The following EVA1C variants were observed in gnomAD, a reference collection of about 807,000 sequenced individuals.
The protein encoded by EVA1C is protein eva-1 homolog C.
A neutral mutation model predicts 45.4 loss-of-function variants in EVA1C; 25 were observed. That is an observed-to-expected ratio of 0.55 (90% CI 0.40 to 0.77). The LOEUF (loss-of-function observed/expected upper bound fraction) is 0.77, where lower values mean the gene tolerates loss of function less well. EVA1C is among the 30% of genes least tolerant of loss of function. The probability of loss-of-function intolerance (pLI) is 0.00; values close to 1 mark genes in which losing one functional copy is unlikely to be tolerated. For missense variants in EVA1C, 479 were observed against 554.8 expected (o/e 0.86, Z 1.37); for synonymous variants, 190 against 221.2 (o/e 0.86, Z 1.25).
At chr21:32,416,619 G>A (rs1352115608) in intron 1 of EVA1C, among the ~76,000 whole-genome samples, 2 of 152,036 alleles carry the variant, frequency 1.3e-5, no homozygotes, top group Admixed American at 6.6e-5. Flanking sequence ...ATGAGCCACC[G>A]CACCCAGCCT....
At chr21:32,480,109 C>T (rs1214467661) in intron 4 of EVA1C, among the ~76,000 whole-genome samples, 1 of 151,988 alleles carries the variant, frequency 6.6e-6, no homozygotes, top group African/African-American at 2.4e-5. Flanking sequence ...GATTATTCTA[C>T]ATAGCACTGC....
At chr21:32,512,237 C>A (rs1329537369) in intron 7 of EVA1C, among the ~76,000 whole-genome samples, 1 of 152,028 alleles carries the variant, frequency 6.6e-6, no homozygotes, top group Non-Finnish European at 1.5e-5. Flanking sequence ...AGCACTGGTG[C>A]TAATTACAGT....
chr21:32,434,645 T>G (rs9981646), intron 1 of EVA1C, among the ~76,000 whole-genome samples: 25,502 of 146,470 alleles, frequency 0.17, 2,376 homozygotes, highest in Admixed American at 0.25. Context: ...TTTATATATA[T>G]ATAGATATAG....
chr21:32,451,533 G>A (rs2035580494), intron 1 of EVA1C, among the ~76,000 whole-genome samples: 1 of 152,194 alleles, frequency 6.6e-6, no homozygotes, highest in Admixed American at 6.5e-5. Context: ...CTGGCTGCCT[G>A]TCTTATTCAC....
intron 4 of EVA1C, among the ~76,000 whole-genome samples, chr21:32,481,893 C>A (rs145926226): frequency 6.6e-6 from 1 of 152,092 alleles, no homozygotes; most frequent in Non-Finnish European, 1.5e-5. Context: ...GTTCATACCA[C>A]GCTGTACCAT....
rs759305143 is a variant in EVA1C, at chr21:32,495,160, C to G, written c.768C>G (p.Thr256=). Residue 256 remains threonine (T), a synonymous_variant, in exon 5 of 8, where the codon ACC becomes ACG. Coordinates refer to ENST00000300255, the MANE Select transcript of EVA1C (RefSeq NM_058187.5). ...LPGVKKYLTV[T]YACVPKNILT... ...GCGTGAAAAAATACCTCACTGTGAC[C>G]TACGCATGTGGTAAGAACACACCCC... 6.2e-7 allele frequency: 1 copy of G among 1,614,022 alleles called. No individual in the cohort carries two copies. The highest frequency in any genetic ancestry group is 8.5e-7 in the Non-Finnish European group (1 of 1,179,992).
At chr21:32,497,662 C>T (rs965637660) in intron 5 of EVA1C, among the ~76,000 whole-genome samples, 8 of 152,022 alleles carry the variant, frequency 5.3e-5, no homozygotes, top group Non-Finnish European at 1.5e-5. Flanking sequence ...TGTATTAGTC[C>T]ATTTTCACAC....
chr21:32,412,874 A>G lies in EVA1C; in HGVS notation c.21A>G (p.Ala7=), dbSNP rs2033876982. The G allele has an allele frequency of 1.3e-6, 2 of 1,497,626 alleles. No individual in the cohort carries two copies. Among genetic ancestry groups the G allele is most frequent in the Non-Finnish European group, 8.9e-7 (1 of 1,129,228 alleles). The allele number at this position is 1,497,626 out of a possible 1,614,324, so 92.8% of individuals were successfully genotyped here. A position where few individuals can be genotyped will look rare whatever the true frequency, so the allele number is the denominator to read the frequency against. Residue 7 remains alanine (A), a synonymous_variant, in exon 1 of 8, where the codon GCA becomes GCG. Transcript: ENST00000300255. MLLPGR[A]RQPPTPQPVQ... is the part of the protein sequence containing the mutation. ...GCACGATGCTTCTGCCGGGACGCGC[A>G]CGCCAACCGCCGACGCCCCAGCCCG...
At chr21:32,464,573 G>A (rs2036108929) in intron 3 of EVA1C, among the ~76,000 whole-genome samples, 1 of 152,098 alleles carries the variant, frequency 6.6e-6, no homozygotes, top group African/African-American at 2.4e-5. Flanking sequence ...TGTAATCCCA[G>A]CAATTTGGGA....
intron 1 of EVA1C, among the ~76,000 whole-genome samples, chr21:32,446,605 T>C (rs1336333420): frequency 6.6e-6 from 1 of 152,228 alleles, no homozygotes; most frequent in Non-Finnish European, 1.5e-5. Flanking sequence ...ATGCATGAGC[T>C]TGCCTACCGG....
chr21:32,426,776 T>A (rs2034504271), intron 1 of EVA1C, among the ~76,000 whole-genome samples: 1 of 152,178 alleles, frequency 6.6e-6, no homozygotes, highest in Non-Finnish European at 1.5e-5. Context: ...CATGCCTCCC[T>A]CCATCACCCC....
intron 1 of EVA1C, among the ~76,000 whole-genome samples, chr21:32,425,431 G>C (rs536001046): frequency 6.6e-6 from 1 of 151,268 alleles, no homozygotes; most frequent in South Asian, 2.1e-4. Context: ...CGATTCTCCT[G>C]TCTCAGCCTC....
chr21:32,494,917 C>T, intron 4 of EVA1C, 110 bp from the exon 5 acceptor site: 2 of 1,153,578 alleles, frequency 1.7e-6, no homozygotes, highest in Non-Finnish European at 1.2e-6. Flanking sequence ...AGAAACTCTC[C>T]ATTTGATTTG....
At chr21:32,430,187 G>T (rs945723973) in intron 1 of EVA1C, among the ~76,000 whole-genome samples, 1 of 152,178 alleles carries the variant, frequency 6.6e-6, no homozygotes, top group African/African-American at 2.4e-5. Context: ...CAGTGGAGGT[G>T]CCTCAGTTTA....
At chr21:32,486,074 GCAGA>G (rs2036963861) in intron 4 of EVA1C, among the ~76,000 whole-genome samples, 3 of 152,338 alleles carry the variant, frequency 2.0e-5, no homozygotes, top group South Asian at 2.1e-4. Context: ...ATCGCCATGA[GCAGA>G]CAAAGGAAGA....
intron 1 of EVA1C, among the ~76,000 whole-genome samples, chr21:32,438,367 C>T (rs1398826828): frequency 2.0e-5 from 3 of 151,030 alleles, no homozygotes; most frequent in Non-Finnish European, 2.9e-5. Context: ...TGTGGTGGCA[C>T]ATACCTGTAG....
chr21:32,460,367 A>G (rs762173), intron 3 of EVA1C, among the ~76,000 whole-genome samples: 64,687 of 151,980 alleles, frequency 0.43, 14,422 homozygotes, highest in African/African-American at 0.53. Context: ...TCATCCTGCC[A>G]CCCCTCTCTA....
chr21:32,422,189 A>G (rs2034307301), intron 1 of EVA1C, among the ~76,000 whole-genome samples: 2 of 152,196 alleles, frequency 1.3e-5, no homozygotes, highest in Admixed American at 6.6e-5. Context: ...AAATATATTC[A>G]TTGACATGAA....
rs566446233 is a variant in EVA1C at position 32,435,010 on chromosome 21, C to T, written c.161-18302C>T. On this transcript the variant is annotated intron_variant, in intron 1 of 7. Transcript: ENST00000300255. The stretch of plus-strand genomic sequence containing the variant: ...GTTGTTATTGTCTTCATTTTATCTT[C>T]GTTTTATCCATGATGTCTGCAGCAC... Among the ~76,000 whole-genome samples the T allele has an allele frequency of 5.9e-5, 9 of 152,416 alleles. No individual in the cohort carries two copies. The South Asian group carries it at 1.2e-3, about 21-fold the overall frequency.
Sources: allele counts gnomAD v4.1 joint callset (sites outside exome capture counted in the v4.1 genomes callset), GRCh38; gene constraint gnomAD v4.1.1; transcripts MANE v1.5; gene names NCBI Gene and HGNC (gene_info 2026-07-23, HGNC 2026-07-21).